Variants in ACSS1 observed in about 807,000 individuals in gnomAD.
ACSS1 encodes acyl-CoA synthetase short chain family member 1.
In ACSS1, 42 loss-of-function variants were observed where a neutral mutation model predicts 75.3. The observed-to-expected ratio is 0.56, with a 90% CI of 0.44 to 0.72. The LOEUF (loss-of-function observed/expected upper bound fraction) is 0.72. Ranked by LOEUF, ACSS1 falls within the 30% of genes least tolerant of loss-of-function variation. The pLI, the probability that ACSS1 is intolerant of heterozygous loss-of-function variation, is 0.00. For missense variants in ACSS1, 782 were observed against 935.7 expected (o/e 0.84, Z 2.14); for synonymous variants, 380 against 376.8 (o/e 1.01, Z -0.10).
At chr20:25,053,649 A>G (rs894640794) in intron 1 of ACSS1, among the ~76,000 whole-genome samples, 13 of 152,182 alleles carry the variant, frequency 8.5e-5, no homozygotes, top group Admixed American at 3.3e-4. Context: ...TGCCGCTGTC[A>G]GTGTCCTGCC....
intron 3 of ACSS1, among the ~76,000 whole-genome samples, chr20:25,030,403 G>C (rs1032439838): frequency 2.0e-5 from 3 of 152,186 alleles, no homozygotes; most frequent in Admixed American, 2.0e-4. Context: ...TTGTTGACCT[G>C]TGGAACCTTC....
At chr20:25,034,209 A>G (rs2122700220) in intron 2 of ACSS1, among the ~76,000 whole-genome samples, 1 of 152,298 alleles carries the variant, frequency 6.6e-6, no homozygotes, top group East Asian at 1.9e-4. Context: ...CTACTTAATC[A>G]TCACACTGCC....
intron 2 of ACSS1, chr20:25,031,256 T>C (rs1218990102): frequency 4.5e-6 from 2 of 440,292 alleles, no homozygotes. Flanking sequence ...GGAGCCATGG[T>C]GACACCATTT....
chr20:25,027,393 C>A (rs1289822799), intron 3 of ACSS1, among the ~76,000 whole-genome samples: 1 of 152,156 alleles, frequency 6.6e-6, no homozygotes, highest in Non-Finnish European at 1.5e-5. Flanking sequence ...AACTCTTCCA[C>A]AAAATGCTAG....
rs1422029848 is a variant in ACSS1, at chr20:25,053,218, C to G, written c.334+4551G>C. On this transcript the variant is annotated intron_variant, in intron 1 of 13. Coordinates refer to ENST00000323482, the MANE Select transcript of ACSS1 (RefSeq NM_032501.4). The stretch of plus-strand genomic sequence containing the variant: ...AACTGGGACTACAGGTATGCACCAC[C>G]ACGCTCGGCTAATTTTTTTTTTTTT... Among the ~76,000 whole-genome samples, 3 of 149,278 alleles carry G rather than the reference C, an allele frequency of 2.0e-5. No individual in the cohort carries two copies. In the East Asian group the frequency reaches 5.9e-4, roughly 29 times the overall value.
intron 3 of ACSS1, among the ~76,000 whole-genome samples, chr20:25,025,556 G>C (rs996475371): frequency 6.6e-6 from 1 of 152,204 alleles, no homozygotes; most frequent in Non-Finnish European, 1.5e-5. Context: ...GGGGTTCTCT[G>C]TTAGAGTCTC....
In ACSS1 at chr20:25,014,007, G is replaced by A. The variant is rs375554533; in HGVS notation, c.1406C>T (p.Ala469Val). Residue 469 changes from alanine to valine, a missense_variant, in exon 9 of 14, where the codon GCG becomes GTG. Ala to Val is a moderately conservative substitution (Grantham distance 64). Around this residue, in one of 2 missense-constraint regions of ACSS1, gnomAD observed 405 missense variants for 552.6 expected, o/e 0.73. Coordinates refer to ENST00000323482, the MANE Select transcript of ACSS1 (RefSeq NM_032501.4). ...GACGATGCCAAAGAAGGGCCTCATCGCCATGGCAGGGAGGATTTCCGCCCC... is the reference window on the plus strand; with the variant it reads ...GACGATGCCAAAGAAGGGCCTCATCACCATGGCAGGGAGGATTTCCGCCCC... ...EEGAEILPAM[A>V]MRPFFGIVPV... 3.2e-5 allele frequency: 51 copies of A among 1,613,732 alleles called. No homozygotes were observed. The highest frequency in any genetic ancestry group is 4.1e-5 in the Non-Finnish European group (48 of 1,179,912).
intron 1 of ACSS1, among the ~76,000 whole-genome samples, chr20:25,056,589 T>A (rs544322976): frequency 6.6e-6 from 1 of 152,324 alleles, no homozygotes; most frequent in East Asian, 1.9e-4. Context: ...CTGGGTCTGC[T>A]GCACACCTTG....
At chr20:25,034,128 C>T (rs1007550317) in intron 2 of ACSS1, among the ~76,000 whole-genome samples, 2 of 152,186 alleles carry the variant, frequency 1.3e-5, no homozygotes, top group Non-Finnish European at 2.9e-5. Context: ...GATCCTTGGA[C>T]GTCAGGCGGT....
intron 1 of ACSS1, among the ~76,000 whole-genome samples, chr20:25,053,582 G>T (rs1179277402): frequency 2.6e-5 from 4 of 152,130 alleles, no homozygotes; most frequent in Non-Finnish European, 5.9e-5. Flanking sequence ...CCTTAGAAAA[G>T]TTACTTTAAT....
intron 6 of ACSS1, 152 bp downstream of exon 6, chr20:25,021,237 C>T (rs2088618598): frequency 9.6e-7 from 1 of 1,041,586 alleles, no homozygotes; most frequent in East Asian, 2.7e-5. Flanking sequence ...GGGGCCTGGC[C>T]CCACCGGGCA....
intron 3 of ACSS1, among the ~76,000 whole-genome samples, chr20:25,029,774 T>C (rs2088789875): frequency 6.6e-6 from 1 of 152,210 alleles, no homozygotes; most frequent in South Asian, 2.1e-4. Flanking sequence ...CATAACACTG[T>C]GAATGTACTT....
chr20:25,017,716 A>G (rs1488525618), intron 7 of ACSS1, among the ~76,000 whole-genome samples: 3 of 152,192 alleles, frequency 2.0e-5, no homozygotes, highest in Admixed American at 2.0e-4. Context: ...GGCTGCTGGG[A>G]TACACATCCC....
At chr20:25,041,486 C>A (rs1412711302) in intron 2 of ACSS1, among the ~76,000 whole-genome samples, 1 of 152,146 alleles carries the variant, frequency 6.6e-6, no homozygotes, top group Non-Finnish European at 1.5e-5. Context: ...CCATGGCAGC[C>A]CTTGTCCCCA....
At chr20:25,013,495 C>T (rs745586030) in intron 10 of ACSS1, 41 bp downstream of exon 10, 1 of 1,556,060 alleles carries the variant, frequency 6.4e-7, no homozygotes, top group Non-Finnish European at 8.7e-7. Flanking sequence ...TTCCAGCAGT[C>T]AGCTGAAAAG....
chr20:25,024,713 G>A (rs936496496), intron 3 of ACSS1, among the ~76,000 whole-genome samples: 3 of 152,176 alleles, frequency 2.0e-5, no homozygotes, highest in African/African-American at 7.2e-5. Flanking sequence ...TGGCCTCAAT[G>A]TCCCCTCTGG....
chr20:25,008,090 GGTGAGGCCCGA>G (rs1196046160), intron 13 of ACSS1, 149 bp from the exon 14 acceptor site: 1 of 1,059,134 alleles, frequency 9.4e-7, no homozygotes, highest in African/African-American at 1.6e-5. Context: ...CCCAGAGAAC[GGTGAGGCCCGA>G]GGTCTTGGCT....
In ACSS1 at chr20:25,023,074, G is replaced by T; in HGVS notation, c.826C>A (p.Pro276Thr). 6.2e-7 allele frequency: 1 copy of T among 1,612,996 alleles called. No homozygotes were observed. The highest frequency in any genetic ancestry group is 8.5e-7 in the Non-Finnish European group (1 of 1,179,494). Residue 276 changes from proline to threonine, a missense_variant, in exon 5 of 14, where the codon CCT (proline) becomes ACT (threonine). Coordinates refer to ENST00000323482, the MANE Select transcript of ACSS1 (RefSeq NM_032501.4). ...CCCATGCTCTCTGGGGCGCAAACAGGGTCCTCCTTGGCCATTTCCTGGCAG... is the reference window on the plus strand; with the variant it reads ...CCCATGCTCTCTGGGGCGCAAACAGTGTCCTCCTTGGCCATTTCCTGGCAG... ...PLEQEMAKED[P>T]VCAPESMGSE...
intron 2 of ACSS1, among the ~76,000 whole-genome samples, chr20:25,033,793 G>A (rs1202632437): frequency 1.3e-5 from 2 of 152,228 alleles, no homozygotes; most frequent in Non-Finnish European, 2.9e-5. Flanking sequence ...GGGCAGCAGG[G>A]AGAGCTTTCT....
Sources: allele counts gnomAD v4.1 joint callset (sites outside exome capture counted in the v4.1 genomes callset), GRCh38; gene constraint gnomAD v4.1.1; regional missense constraint gnomAD v4.1.1; transcripts MANE v1.5; gene names NCBI Gene and HGNC (gene_info 2026-07-23, HGNC 2026-07-21).